STOX2: variants seen among roughly 807,000 people sequenced by gnomAD.
STOX2 encodes storkhead-box protein 2.
Under a neutral mutation model 60.9 loss-of-function variants are expected in STOX2, and 28 were observed. The observed-to-expected ratio is 0.46, with a 90% CI of 0.34 to 0.63. STOX2 has a LOEUF of 0.63. STOX2 is among the 30% of genes least tolerant of loss of function. The pLI, the probability that STOX2 is intolerant of heterozygous loss-of-function variation, is 0.01. For missense variants in STOX2, 1,024 were observed against 1,187.7 expected, an observed-to-expected ratio of 0.86 and a Z score of 2.03; for synonymous variants, 472 against 463.9, an observed-to-expected ratio of 1.02 and a Z score of -0.22.
rs550275797 is a variant in STOX2 at position 183,992,579 on chromosome 4, A to G, written c.167-8746A>G. ...TGCACTTAAGGAAAAGGAAGACGTC[A>G]TGTTCCTCAGGTGCTCTTGTTGGTC... On this transcript the variant is annotated intron_variant, in intron 1 of 3. Transcript: ENST00000308497. 2.0e-5 allele frequency among the ~76,000 whole-genome samples: 3 copies of G among 152,364 alleles called. No individual in the cohort carries two copies. The East Asian group carries it at 5.8e-4, about 29-fold the overall frequency.
In STOX2 at chr4:184,009,615, T is replaced by C; in HGVS notation, c.777T>C (p.Ser259=). Residue 259 remains serine, a synonymous_variant, in exon 3 of 4, where the codon AGT becomes AGC. Coordinates refer to ENST00000308497, the MANE Select transcript of STOX2 (RefSeq NM_020225.3). This position sits in a 1 kb window ranked among gnomAD's most constrained non-coding sequence, Gnocchi z 4.0. ...KTETLSKPKD[S]EKQSKKFGLK... is the part of the protein sequence containing the mutation. Reference sequence around the variant, plus strand: ...AAACTCTCTCAAAACCTAAAGATAGTGAAAAGCAGTCAAAAAAATTCGGGC... The same window carrying C: ...AAACTCTCTCAAAACCTAAAGATAGCGAAAAGCAGTCAAAAAAATTCGGGC... 6.2e-7 allele frequency: 1 copy of C among 1,613,858 alleles called. No individual in the cohort carries two copies. The highest frequency in any genetic ancestry group is 8.5e-7 in the Non-Finnish European group (1 of 1,179,856).
At chr4:184,015,806 A>G (rs1211142156) in intron 3 of STOX2, 1 of 152,210 alleles carries the variant, frequency 6.6e-6, no homozygotes, top group Non-Finnish European at 1.5e-5. Context: ...TGCCTCATGC[A>G]GTGGATGTTT....
chr4:184,006,685 C>CAAAAAA (rs1199363509), intron 2 of STOX2, among the ~76,000 whole-genome samples: 2 of 76,496 alleles, frequency 2.6e-5, no homozygotes, highest in African/African-American at 5.5e-5. Context: ...GACCCTGTCT[C>CAAAAAA]AAAAAAAAAA....
rs570665460 is a variant in STOX2, at chr4:183,919,550, G to A, written c.166+12594G>A. ...TGGTGTGCTCCTGAAATGTCAGTAT[G>A]GAAAAGGGGCCTCTTTACCCTCAGC... On this transcript the variant is annotated intron_variant, in intron 1 of 3. Transcript: ENST00000308497. Among the ~76,000 whole-genome samples, 100 of 152,264 alleles carry A rather than the reference G, an allele frequency of 6.6e-4. 1 individual carries two copies. The highest frequency in any genetic ancestry group is 1.2e-3 in the Admixed American group (18 of 15,300).
At chr4:183,824,042 C>T (rs1175310498) in intron 1 of STOX2, among the ~76,000 whole-genome samples, 1 of 152,172 alleles carries the variant, frequency 6.6e-6, no homozygotes, top group Non-Finnish European at 1.5e-5. Flanking sequence ...GAAGTGGTTT[C>T]CATGAGATCC....
At chr4:183,819,272 C>G (rs562321012) in intron 1 of STOX2, among the ~76,000 whole-genome samples, 1 of 152,060 alleles carries the variant, frequency 6.6e-6, no homozygotes, top group Non-Finnish European at 1.5e-5. Context: ...ACTGAGTGAA[C>G]GAGACTCCAT....
chr4:183,839,488 G>A (rs1739799190), intron 1 of STOX2, among the ~76,000 whole-genome samples: 1 of 152,152 alleles, frequency 6.6e-6, no homozygotes, highest in Admixed American at 6.5e-5. Context: ...ATGAACGAGG[G>A]AAATGGAAAG....
At chr4:183,991,017 A>G (rs983372870) in intron 1 of STOX2, among the ~76,000 whole-genome samples, 7 of 152,150 alleles carry the variant, frequency 4.6e-5, no homozygotes, top group Admixed American at 3.3e-4. Context: ...CTGATTTTTA[A>G]TACTAAGAGT....
intron 1 of STOX2, among the ~76,000 whole-genome samples, chr4:183,829,703 C>CTAAA (rs1739522030): frequency 2.0e-5 from 3 of 152,198 alleles, no homozygotes; most frequent in African/African-American, 7.2e-5. Context: ...TGAGTCAATA[C>CTAAA]GTTCCCTGTA....
At chr4:183,984,324 A>G (rs930087924) in intron 1 of STOX2, among the ~76,000 whole-genome samples, 15 of 152,144 alleles carry the variant, frequency 9.9e-5, no homozygotes, top group South Asian at 2.1e-4. Flanking sequence ...CTTTTCTTCA[A>G]AATTCTTGGG....
At chr4:183,968,311 G>T (rs1323029346) in intron 1 of STOX2, among the ~76,000 whole-genome samples, 1 of 145,070 alleles carries the variant, frequency 6.9e-6, no homozygotes, top group African/African-American at 2.6e-5. Context: ...CATTAAAAAA[G>T]AAGACATTTA....
intron 1 of STOX2, among the ~76,000 whole-genome samples, chr4:183,863,662 C>G (rs554927454): frequency 3.3e-5 from 5 of 152,192 alleles, no homozygotes; most frequent in African/African-American, 9.7e-5. Context: ...CCAGTCTTAT[C>G]TGGTTTAAAA....
rs1738903545 is a variant in STOX2 at position 183,806,905 on chromosome 4, C to A, written c.364+8850C>A. Among the ~76,000 whole-genome samples, 3 of 152,270 alleles carry A rather than the reference C, an allele frequency of 2.0e-5. No individual in the cohort carries two copies. The highest frequency in any genetic ancestry group is 3.9e-4 in the East Asian group (2 of 5,184). Reference sequence around the variant, plus strand: ...TCCCCCGCATGCACTGCCCCCACGGCCCCACAGCTCGAAGCCCCCATGCCT... The same window carrying A: ...TCCCCCGCATGCACTGCCCCCACGGACCCACAGCTCGAAGCCCCCATGCCT... On this transcript the variant is annotated intron_variant, in intron 1 of 2. Transcript: ENST00000513034. The surrounding 1 kb of genome is among the most constrained non-coding windows in gnomAD (Gnocchi z 4.1).
intron 1 of STOX2, among the ~76,000 whole-genome samples, chr4:183,952,360 T>C (rs1743121040): frequency 6.6e-6 from 1 of 152,266 alleles, no homozygotes; most frequent in African/African-American, 2.4e-5. Context: ...AAAAATGTTA[T>C]TGAAACCTTT....
rs577503095 is a variant in STOX2 at position 183,949,365 on chromosome 4, C to T, written c.166+42409C>T. Among the ~76,000 whole-genome samples, 5 of 152,090 alleles carry T rather than the reference C, an allele frequency of 3.3e-5. No homozygotes were observed. In the South Asian group the frequency reaches 6.2e-4, roughly 19 times the overall value. The stretch of plus-strand genomic sequence containing the variant: ...TTTTGTCTTTGATTTTAAGAAACTG[C>T]CCTTAAAATAGTAATAGTTTGGATG... On this transcript the variant is annotated intron_variant, in intron 1 of 3. Coordinates refer to ENST00000308497, the MANE Select transcript of STOX2 (RefSeq NM_020225.3).
At chr4:183,812,577 C>G (rs1052934861) in intron 1 of STOX2, among the ~76,000 whole-genome samples, 3 of 152,144 alleles carry the variant, frequency 2.0e-5, no homozygotes. Flanking sequence ...TAAAGAGCAG[C>G]TCAACATGAA....
intron 2 of STOX2, among the ~76,000 whole-genome samples, chr4:184,006,804 C>G (rs1733859255): frequency 6.6e-6 from 1 of 150,484 alleles, no homozygotes; most frequent in Admixed American, 6.6e-5. Context: ...ATCACGAGGT[C>G]AGCAGATCGA....
At chr4:183,862,975 A>G (rs1740483971) in intron 1 of STOX2, among the ~76,000 whole-genome samples, 1 of 152,132 alleles carries the variant, frequency 6.6e-6, no homozygotes. Context: ...AACTCCTTTT[A>G]CCACACCAGG....
intron 1 of STOX2, among the ~76,000 whole-genome samples, chr4:183,932,400 GTATA>G (rs1742460394): frequency 1.4e-4 from 2 of 13,968 alleles, no homozygotes; most frequent in Admixed American, 1.7e-3. Context: ...TATACATACA[GTATA>G]TGTATGTATA....
Sources: allele counts gnomAD v4.1 joint callset (sites outside exome capture counted in the v4.1 genomes callset), GRCh38; gene constraint gnomAD v4.1.1; non-coding constraint Gnocchi (gnomAD v3.1); transcripts MANE v1.5; gene names NCBI Gene and HGNC (gene_info 2026-07-23, HGNC 2026-07-21).